Variants in KTN1 observed in about 807,000 individuals in gnomAD.
KTN1 encodes the protein kinectin 1, also known as kinectin.
Under a neutral mutation model 222.5 loss-of-function variants are expected in KTN1, and 130 were observed. That is an observed-to-expected ratio of 0.58 (90% CI 0.51 to 0.68). The LOEUF (loss-of-function observed/expected upper bound fraction) is 0.68, where lower values mean the gene tolerates loss of function less well. Among genes scored for constraint, KTN1 ranks in the 30% least tolerant of loss-of-function variants. The probability of loss-of-function intolerance (pLI) is 0.00; values close to 1 mark genes in which losing one functional copy is unlikely to be tolerated. For missense variants in KTN1, 1,508 were observed against 1,500.4 expected (o/e 1.01, Z -0.08); for synonymous variants, 512 against 496.3 (o/e 1.03, Z -0.42).
chr14:55,633,630 T>C (rs1402698571), intron 8 of KTN1, among the ~76,000 whole-genome samples: 1 of 151,890 alleles, frequency 6.6e-6, no homozygotes, highest in Non-Finnish European at 1.5e-5. Context: ...ATATTGTATA[T>C]AAACTATGTA....
At chr14:55,662,807 A>G (rs1431652923) in intron 32 of KTN1, 1 of 448,270 alleles carries the variant, frequency 2.2e-6, no homozygotes, top group African/African-American at 2.0e-5. Flanking sequence ...TTGGTATAAC[A>G]GTACTAACAG....
intron 1 of KTN1, among the ~76,000 whole-genome samples, chr14:55,581,088 C>A (rs1371987912): frequency 1.3e-5 from 2 of 152,220 alleles, no homozygotes; most frequent in African/African-American, 4.8e-5. Flanking sequence ...CCTTCAGTTT[C>A]CAAAAGTGAG....
Position 55,671,852 on chromosome 14 carries a change from A to G in KTN1, c.3506A>G (p.Asp1169Gly), listed in dbSNP as rs555303094. 4 of 1,601,646 alleles carry G rather than the reference A, an allele frequency of 2.5e-6. No homozygotes were observed. The highest frequency in any genetic ancestry group is 2.6e-6 in the Non-Finnish European group (3 of 1,168,826). The change falls in exon 37 of 44, where the codon GAT becomes GGT. Residue 1169 changes from aspartate to glycine, a missense_variant. By Grantham distance (94) the Asp-to-Gly change is moderately conservative (BLOSUM62 -1). Transcript: ENST00000395314. ...GAAAATAAATGGAAAGTTAAGGTCG[A>G]TGAATCACACAAGACTATTAAACAG... is the stretch of plus-strand genomic sequence containing the variant. ...QEENKWKVKV[D>G]ESHKTIKQMQ...
chr14:55,624,642 G>T (rs562335657), intron 5 of KTN1, among the ~76,000 whole-genome samples: 1 of 152,278 alleles, frequency 6.6e-6, no homozygotes, highest in Non-Finnish European at 1.5e-5. Flanking sequence ...GATCAGGGAG[G>T]ATGTGAGAGG....
Position 55,670,711 on chromosome 14 carries a change from A to G in KTN1, c.3268-18A>G. The G allele has an allele frequency of 6.5e-7, 1 of 1,547,386 alleles. No individual in the cohort carries two copies. The highest frequency in any genetic ancestry group is 8.8e-7 in the Non-Finnish European group (1 of 1,140,184). On this transcript the variant is annotated intron_variant, in intron 34 of 43. Transcript: ENST00000395314. Reference sequence around the variant, plus strand: ...TTTTTCTTTGGAAATTAATGATTTTAACTTTTCTCGTCCACAGAGTTATGG... The same window carrying G: ...TTTTTCTTTGGAAATTAATGATTTTGACTTTTCTCGTCCACAGAGTTATGG...
At chr14:55,673,060 G>T in intron 39 of KTN1, 48 bp downstream of exon 39, 1 of 1,527,060 alleles carries the variant, frequency 6.5e-7, no homozygotes, top group Middle Eastern at 1.7e-4. Flanking sequence ...TTCAGATTAA[G>T]TTTATAACAG....
At chr14:55,659,453 C>T (rs1037101486) in intron 30 of KTN1, among the ~76,000 whole-genome samples, 7 of 151,772 alleles carry the variant, frequency 4.6e-5, no homozygotes, top group East Asian at 1.9e-4. Flanking sequence ...AAGTACGTTG[C>T]GACAGTAGAG....
intron 18 of KTN1, among the ~76,000 whole-genome samples, chr14:55,646,547 T>TTCCTTTCCTTTC (rs2042375676): frequency 6.9e-6 from 1 of 145,106 alleles, no homozygotes; most frequent in Admixed American, 7.1e-5. Flanking sequence ...TTCCTTTCCT[T>TTCCTTTCCTTTC]CTCTCTTTCT....
rs768181757 is a variant in KTN1, at chr14:55,612,213, G to A, written c.165G>A (p.Lys55=). The stretch of plus-strand genomic sequence containing the variant: ...TTATTCCTACCAAAACAGATAAAAA[G>A]AAAGCAGAAAAGAAAAAGAATAAAA... The part of the protein sequence containing the change: ...QKLIPTKTDK[K]KAEKKKNKKK... Residue 55 remains lysine, a synonymous_variant, in exon 2 of 44, where the codon AAG becomes AAA. Coordinates refer to ENST00000395314, the MANE Select transcript of KTN1 (RefSeq NM_001079521.2). 41 of 1,585,594 alleles carry A rather than the reference G, an allele frequency of 2.6e-5. No homozygotes were observed. The highest frequency in any genetic ancestry group is 3.4e-5 in the Non-Finnish European group (40 of 1,172,772).
intron 30 of KTN1, 135 bp downstream of exon 30, chr14:55,658,749 A>G: frequency 3.3e-6 from 2 of 600,764 alleles, no homozygotes; most frequent in Non-Finnish European, 5.9e-6. Flanking sequence ...ATCAAATTTT[A>G]TATAAAAGAA....
chr14:55,628,746 G>T (rs1180865461), intron 6 of KTN1, among the ~76,000 whole-genome samples: 1 of 152,098 alleles, frequency 6.6e-6, no homozygotes, highest in Non-Finnish European at 1.5e-5. Flanking sequence ...GAAAAAGTTG[G>T]CAAGATTAAT....
Position 55,664,038 on chromosome 14 carries a change from C to T in KTN1, c.3174C>T (p.Ser1058=), listed in dbSNP as rs762271726. ...KMLQDKVNKT[S]KERQQQVEAV... ...TGCAGGACAAAGTGAACAAGACTTC[C>T]AAGGTTGTAATGCTAACTCCTAGAA... Residue 1058 remains serine, a synonymous_variant, in exon 33 of 44, where the codon TCC becomes TCT. Coordinates refer to ENST00000395314, the MANE Select transcript of KTN1 (RefSeq NM_001079521.2). 5 of 1,605,532 alleles carry T rather than the reference C, an allele frequency of 3.1e-6. No homozygotes were observed. In the Admixed American group the frequency reaches 5.0e-5, roughly 16 times the overall value.
chr14:55,603,603 A>T (rs1262200098), intron 1 of KTN1, among the ~76,000 whole-genome samples: 1 of 152,194 alleles, frequency 6.6e-6, no homozygotes, highest in Non-Finnish European at 1.5e-5. Context: ...TCAGTGCTTC[A>T]GTCTTGAGAC....
chr14:55,640,558 C>A, intron 15 of KTN1, 116 bp downstream of exon 15: 1 of 689,508 alleles, frequency 1.5e-6, no homozygotes, highest in South Asian at 2.1e-5. Context: ...AATGGTTTAT[C>A]ATCTTTGGCT....
intron 1 of KTN1, among the ~76,000 whole-genome samples, chr14:55,583,880 G>C (rs1055645178): frequency 6.6e-6 from 1 of 152,164 alleles, no homozygotes; most frequent in Admixed American, 6.5e-5. Context: ...AAACGTTGGA[G>C]TCATCCCTGA....
intron 1 of KTN1, among the ~76,000 whole-genome samples, chr14:55,611,762 A>G (rs751922040): frequency 3.6e-4 from 55 of 152,340 alleles, no homozygotes; most frequent in Non-Finnish European, 1.0e-4. Context: ...CTCTTCAATT[A>G]GGATATTTTC....
intron 1 of KTN1, among the ~76,000 whole-genome samples, chr14:55,599,491 G>A (rs2035618316): frequency 6.6e-6 from 1 of 151,764 alleles, no homozygotes; most frequent in South Asian, 2.1e-4. Flanking sequence ...TTGAGACAGA[G>A]TCTCGTTCTG....
At chr14:55,626,598 T>A (rs778955093) in intron 5 of KTN1, among the ~76,000 whole-genome samples, 1 of 151,954 alleles carries the variant, frequency 6.6e-6, no homozygotes, top group Non-Finnish European at 1.5e-5. Context: ...TGTTTTGTTT[T>A]GTTTCATTTT....
At position 55,679,663 on chromosome 14, in the gene KTN1, G is replaced by C; in HGVS notation, c.4047G>C (p.Glu1349Asp). Residue 1349 changes from glutamate to aspartate, a missense_variant, in exon 43 of 44, where the codon GAG becomes GAC. Glu to Asp is a conservative substitution (Grantham distance 45). Transcript: ENST00000395314. ...CGGTAAACCAACAGCTCACAAAGGA[G>C]AAAGAGCACTACCAGGTGTTAGGTA... The part of the protein sequence containing the change: ...LQAVNQQLTK[E>D]KEHYQVLE The C allele has an allele frequency of 6.2e-7, 1 of 1,613,960 alleles. No individual in the cohort carries two copies. Among genetic ancestry groups the C allele is most frequent in the Non-Finnish European group, 8.5e-7 (1 of 1,179,866 alleles).
Sources: allele counts gnomAD v4.1 joint callset (sites outside exome capture counted in the v4.1 genomes callset), GRCh38; gene constraint gnomAD v4.1.1; transcripts MANE v1.5; gene names NCBI Gene and HGNC (gene_info 2026-07-23, HGNC 2026-07-21).